LRRC42: variants seen among roughly 807,000 people sequenced by gnomAD.
The protein encoded by LRRC42 is leucine-rich repeat-containing protein 42.
Under a neutral mutation model 44.3 loss-of-function variants are expected in LRRC42, and 43 were observed. That is an observed-to-expected ratio of 0.97 (90% CI 0.76 to 1.25). The LOEUF is 1.25. Ranked by LOEUF, LRRC42 falls within the 50% of genes most tolerant of loss-of-function variation. The pLI is 0.00. For missense variants in LRRC42, 540 were observed against 509.1 expected, an observed-to-expected ratio of 1.06 and a Z score of -0.58; for synonymous variants, 207 against 195.2, an observed-to-expected ratio of 1.06 and a Z score of -0.50.
chr1:53,965,718 G>T (rs1470537795), intron 7 of LRRC42, among the ~76,000 whole-genome samples: 3 of 151,838 alleles, frequency 2.0e-5, no homozygotes, highest in African/African-American at 4.8e-5. Context: ...CTCGTGACCC[G>T]CCCGCCTCGG....
chr1:53,961,304 G>T (rs866126796), intron 5 of LRRC42, among the ~76,000 whole-genome samples: 2 of 152,042 alleles, frequency 1.3e-5, no homozygotes, highest in African/African-American at 2.4e-5. Flanking sequence ...CCAGCTACTC[G>T]GGAGGCTGAG....
chr1:53,967,561 C>CATTGA lies in LRRC42; in HGVS notation c.1013-103_1013-102insTTGAA, dbSNP rs1655160692. The CATTGA allele has an allele frequency of 3.1e-4, 340 of 1,092,486 alleles. 7 individuals carry two copies. The South Asian group carries it at 4.5e-3, about 14-fold the overall frequency. The allele number at this position is 1,092,486 out of a possible 1,614,324, so 67.7% of individuals were successfully genotyped here. ...GGCAAAATGCAATCAATGCAGATATCACCCTGTTTGGGCCTTTGTCATATC... is the reference window on the plus strand; with the variant it reads ...GGCAAAATGCAATCAATGCAGATATCATTGAACCCTGTTTGGGCCTTTGTCATATC... On this transcript the variant is annotated intron_variant, in intron 8 of 8. Transcript: ENST00000371370.
chr1:53,947,707 C>G (rs1557642485), intron 1 of LRRC42, 81 bp from the exon 2 acceptor site: 1 of 152,152 alleles, frequency 6.6e-6, no homozygotes, highest in Non-Finnish European at 1.5e-5. Context: ...TGGCTGTGTT[C>G]CCACTAGCTC....
chr1:53,967,575 C>A, intron 8 of LRRC42, 90 bp from the exon 9 acceptor site: 1 of 1,287,108 alleles, frequency 7.8e-7, no homozygotes, highest in Non-Finnish European at 1.1e-6. Flanking sequence ...CTGTTTGGGC[C>A]TTTGTCATAT....
At chr1:53,957,852 T>C (rs1654881711) in intron 3 of LRRC42, among the ~76,000 whole-genome samples, 1 of 152,208 alleles carries the variant, frequency 6.6e-6, no homozygotes, top group Non-Finnish European at 1.5e-5. Context: ...AATGCCAAGG[T>C]CTGCCTGATA....
chr1:53,953,002 C>T (rs1380427524), intron 3 of LRRC42, among the ~76,000 whole-genome samples: 1 of 152,248 alleles, frequency 6.6e-6, no homozygotes, highest in Non-Finnish European at 1.5e-5. Context: ...TGCCTTTGCT[C>T]ATATGCTTTA....
In LRRC42 at chr1:53,967,785, T is replaced by G. The variant is rs1420893110; in HGVS notation, c.1133T>G (p.Leu378Trp). 3.1e-6 allele frequency: 5 copies of G among 1,614,158 alleles called. No homozygotes were observed. The Admixed American group carries it at 5.0e-5, about 16-fold the overall frequency. ...EKAPDCHGPV[L>W]KHEAISSQES... Reference sequence around the variant, plus strand: ...GCCCCAGATTGCCATGGGCCAGTGTTGAAACACGAAGCTATCTCAAGCCAG... The same window carrying G: ...GCCCCAGATTGCCATGGGCCAGTGTGGAAACACGAAGCTATCTCAAGCCAG... The change falls in exon 9 of 9, where the codon TTG (leucine) becomes TGG (tryptophan). Residue 378 changes from leucine (L) to tryptophan (W), a missense_variant. Coordinates refer to ENST00000371370, the MANE Select transcript of LRRC42 (RefSeq NM_001256409.2).
intron 7 of LRRC42, among the ~76,000 whole-genome samples, chr1:53,963,270 C>G (rs1655042902): frequency 6.6e-6 from 1 of 152,172 alleles, no homozygotes; most frequent in African/African-American, 2.4e-5. Context: ...CCAGAACATG[C>G]ATGATGAAAT....
rs1655092046 is a variant in LRRC42 at position 53,965,021 on chromosome 1, TTG to T, written c.928-1274_928-1273del. The stretch of plus-strand genomic sequence containing the variant: ...TTGTTTTTTTTTGTTTTTTTTTTTT[TTG>T]GAGACAGAGTCTCGCTCTGTCGCCC... On this transcript the variant is annotated intron_variant, in intron 7 of 8. Transcript: ENST00000371370. Among the ~76,000 whole-genome samples, 6 of 150,600 alleles carry T rather than the reference TTG, an allele frequency of 4.0e-5. No homozygotes were observed. In the East Asian group the frequency reaches 5.8e-4, roughly 15 times the overall value.
Position 53,960,458 on chromosome 1 carries a change from ATTAT to A in LRRC42, c.710_713del (p.Leu237Ter). 6.2e-7 allele frequency: 1 copy of A among 1,607,206 alleles called. No homozygotes were observed. Among genetic ancestry groups the A allele is most frequent in the Non-Finnish European group, 8.5e-7 (1 of 1,174,568 alleles). On this transcript the variant is annotated frameshift_variant, in exon 5 of 9. Transcript: ENST00000371370. LOFTEE classifies it high-confidence loss of function. Reference sequence around the variant, plus strand: ...TGAAAAGAGGCCTTGAGAATCTAACATTATTAGACTTATCATGTAAGTTTTCTTC... The same window carrying A: ...TGAAAAGAGGCCTTGAGAATCTAACATAGACTTATCATGTAAGTTTTCTTC...
chr1:53,954,867 T>C (rs1156915139), intron 3 of LRRC42, among the ~76,000 whole-genome samples: 3 of 152,332 alleles, frequency 2.0e-5, no homozygotes, highest in African/African-American at 7.2e-5. Context: ...AAAACATCCA[T>C]ACTATTTGTT....
intron 5 of LRRC42, among the ~76,000 whole-genome samples, chr1:53,961,454 G>A (rs1017737415): frequency 6.6e-6 from 1 of 152,042 alleles, no homozygotes. Context: ...ACCTCCCAGG[G>A]AAGTGTATTC....
chr1:53,948,444 C>A (rs377324588), intron 2 of LRRC42, among the ~76,000 whole-genome samples: 127 of 152,308 alleles, frequency 8.3e-4, no homozygotes, highest in African/African-American at 3.0e-3. Context: ...GTGTTTCATT[C>A]ATTTGATGAA....
intron 2 of LRRC42, among the ~76,000 whole-genome samples, chr1:53,949,363 C>G (rs947307404): frequency 6.6e-6 from 1 of 152,134 alleles, no homozygotes; most frequent in Non-Finnish European, 1.5e-5. Context: ...ATGGGCAGAC[C>G]CTGTGTCATT....
At chr1:53,957,529 C>T (rs1008630866) in intron 3 of LRRC42, among the ~76,000 whole-genome samples, 34 of 152,202 alleles carry the variant, frequency 2.2e-4, no homozygotes, top group Admixed American at 4.6e-4. Flanking sequence ...TTAAGTTGCT[C>T]GTGCTCAGGG....
At position 53,962,420 on chromosome 1, in the gene LRRC42, T is replaced by G; in HGVS notation, c.927+11T>G. On this transcript the variant is annotated intron_variant, in intron 7 of 8. Transcript: ENST00000371370. ...GGCTGGGCTGACCAGGTACTCCAGA[T>G]TTTTCTTCCTTGCGGTTGATGCAGC... is the stretch of plus-strand genomic sequence containing the variant. 1.3e-6 allele frequency: 2 copies of G among 1,541,752 alleles called. No individual in the cohort carries two copies. The highest frequency in any genetic ancestry group is 1.8e-6 in the Non-Finnish European group (2 of 1,114,494).
chr1:53,961,001 T>G (rs1315154646), intron 5 of LRRC42, among the ~76,000 whole-genome samples: 2 of 152,170 alleles, frequency 1.3e-5, no homozygotes, highest in Admixed American at 1.3e-4. Flanking sequence ...AGAGCAGTGG[T>G]TTGAGGTCTG....
Position 53,962,135 on chromosome 1 carries a change from G to C in LRRC42, c.813+13G>C. 1 of 1,601,540 alleles carries C rather than the reference G, an allele frequency of 6.2e-7. No individual in the cohort carries two copies. The highest frequency in any genetic ancestry group is 8.5e-7 in the Non-Finnish European group (1 of 1,170,350). ...GACAGGGCTCAAGGTAAGACTTTTG[G>C]TTCCTTCTCTCATTTTTCTAGACTC... On this transcript the variant is annotated intron_variant, in intron 6 of 8. Transcript: ENST00000371370.
At chr1:53,960,328 A>G in intron 4 of LRRC42, 28 bp from the exon 5 acceptor site, 7 of 1,477,344 alleles carry the variant, frequency 4.7e-6, no homozygotes, top group Non-Finnish European at 6.5e-6. Context: ...CTCTTTGAGT[A>G]ATTTATGTAT....
Sources: gnomAD v4.1 joint callset for allele counts (sites outside exome capture counted in the v4.1 genomes callset) on GRCh38, gnomAD v4.1.1 for gene constraint, MANE v1.5 for transcripts, NCBI Gene and HGNC (gene_info 2026-07-23, HGNC 2026-07-21) for gene names.